The following PTPRD variants were observed in gnomAD, a reference collection of about 807,000 sequenced individuals.
PTPRD encodes protein tyrosine phosphatase receptor type D.
Under a neutral mutation model 214.5 loss-of-function variants are expected in PTPRD, and 34 were observed. The observed-to-expected ratio is 0.16, with a 90% CI of 0.12 to 0.21. The LOEUF (loss-of-function observed/expected upper bound fraction) is 0.21, where lower values mean the gene tolerates loss of function less well. Among genes scored for constraint, PTPRD ranks in the 10% least tolerant of loss-of-function variants. The pLI is 1.00. For missense variants in PTPRD, 2,545 were observed against 2,398.7 expected (o/e 1.06, Z -1.27); for synonymous variants, 1,128 against 845.7 (o/e 1.33, Z -5.79).
At chr9:10,236,995 A>G (rs950375688) in intron 3 of PTPRD, among the ~76,000 whole-genome samples, 1 of 151,936 alleles carries the variant, frequency 6.6e-6, no homozygotes, top group Non-Finnish European at 1.5e-5. Flanking sequence ...ATTCTGTATG[A>G]TACAATAATG....
At chr9:9,139,620 A>AC (rs2099856736) in intron 10 of PTPRD, among the ~76,000 whole-genome samples, 4 of 147,434 alleles carry the variant, frequency 2.7e-5, no homozygotes, top group African/African-American at 9.9e-5. Context: ...CAAAGGGTGG[A>AC]TTCATGTCCT....
At chr9:10,424,348 A>G (rs2098592206) in intron 2 of PTPRD, among the ~76,000 whole-genome samples, 1 of 148,976 alleles carries the variant, frequency 6.7e-6, no homozygotes, top group African/African-American at 2.5e-5. Flanking sequence ...TCTCTCAGGA[A>G]TTATGAGATC....
In PTPRD at chr9:8,521,338, G is replaced by A. The variant is rs1446483240; in HGVS notation, c.900C>T (p.Tyr300=). 5 of 1,613,818 alleles carry A rather than the reference G, an allele frequency of 3.1e-6. No homozygotes were observed. Among genetic ancestry groups the A allele is most frequent in the Non-Finnish European group, 4.2e-6 (5 of 1,179,902 alleles). The stretch of plus-strand genomic sequence containing the variant: ...CCAGTGTTGACATAGCAACACAGGT[G>A]TAATTTGCTGACTGTCTTACATCAT... The part of the protein sequence containing the change: ...ELNDVRQSAN[Y]TCVAMSTLGV... Residue 300 remains tyrosine, a synonymous_variant, in exon 20 of 46, where the codon TAC becomes TAT. Coordinates refer to ENST00000381196, the MANE Select transcript of PTPRD (RefSeq NM_002839.4).
chr9:8,834,214 A>G (rs1277864203), intron 11 of PTPRD, among the ~76,000 whole-genome samples: 1 of 152,114 alleles, frequency 6.6e-6, no homozygotes, highest in African/African-American at 2.4e-5. Flanking sequence ...TTTCCATGAT[A>G]TTAAATAATT....
intron 2 of PTPRD, among the ~76,000 whole-genome samples, chr9:10,527,999 C>T (rs833428): frequency 0.36 from 54,270 of 151,778 alleles, 10,673 homozygotes; most frequent in East Asian, 0.58. Flanking sequence ...TAAAGCTAAT[C>T]ATGACCTAAA....
At chr9:10,246,746 G>C (rs76298446) in intron 3 of PTPRD, among the ~76,000 whole-genome samples, 1 of 151,444 alleles carries the variant, frequency 6.6e-6, no homozygotes, top group Non-Finnish European at 1.5e-5. Flanking sequence ...AATTTCCAAA[G>C]CTTATGTATC....
chr9:9,957,078 C>T (rs909706452), intron 4 of PTPRD, among the ~76,000 whole-genome samples: 5 of 152,026 alleles, frequency 3.3e-5, no homozygotes, highest in Non-Finnish European at 5.9e-5. Flanking sequence ...GAACATACAA[C>T]TAATTTAAAA....
chr9:9,251,611 C>T (rs759118625), intron 9 of PTPRD, among the ~76,000 whole-genome samples: 7 of 152,032 alleles, frequency 4.6e-5, no homozygotes, highest in Non-Finnish European at 1.0e-4. Context: ...CAGACTTTGT[C>T]ATACTATATT....
intron 12 of PTPRD, among the ~76,000 whole-genome samples, chr9:8,703,908 C>T (rs2098142896): frequency 6.6e-6 from 1 of 152,190 alleles, no homozygotes; most frequent in Non-Finnish European, 1.5e-5. Flanking sequence ...AACAACTCTA[C>T]CCTCCTCCGA....
At chr9:9,904,152 A>G (rs1182539201) in intron 5 of PTPRD, among the ~76,000 whole-genome samples, 1 of 152,104 alleles carries the variant, frequency 6.6e-6, no homozygotes, top group East Asian at 1.9e-4. Flanking sequence ...TCAGACAAAG[A>G]TGGGTGGTAC....
intron 2 of PTPRD, among the ~76,000 whole-genome samples, chr9:10,389,926 T>C (rs1056502749): frequency 2.0e-5 from 3 of 151,938 alleles, no homozygotes; most frequent in East Asian, 2.0e-4. Flanking sequence ...ACAAGGGATA[T>C]TGTGATCTAA....
At chr9:8,655,642 AG>A (rs1474025367) in intron 12 of PTPRD, among the ~76,000 whole-genome samples, 1 of 152,178 alleles carries the variant, frequency 6.6e-6, no homozygotes, top group African/African-American at 2.4e-5. Context: ...TTCAATCACC[AG>A]CAGAGCCCCT....
chr9:9,191,940 C>T (rs148165303), intron 9 of PTPRD, among the ~76,000 whole-genome samples: 203 of 152,110 alleles, frequency 1.3e-3, no homozygotes, highest in South Asian at 1.2e-3. Context: ...TAAGGAGAAA[C>T]ATGGATTTTT....
intron 5 of PTPRD, among the ~76,000 whole-genome samples, chr9:9,791,828 T>A (rs2098969620): frequency 6.6e-6 from 1 of 152,186 alleles, no homozygotes; most frequent in African/African-American, 2.4e-5. Context: ...GCTATCCAAT[T>A]TCTAAATAGC....
Position 10,150,899 on chromosome 9 carries a change from A to G in PTPRD, c.-544-117109T>C, listed in dbSNP as rs563337456. ...TTTTATAGTATCCCCAAATTCTCTT[A>G]AAAATTTCAAATTTGCTTTTGAACA... On this transcript the variant is annotated intron_variant, in intron 3 of 45. Transcript: ENST00000381196. Among the ~76,000 whole-genome samples, 3 of 152,126 alleles carry G rather than the reference A, an allele frequency of 2.0e-5. 1 individual carries two copies. In the South Asian group the frequency reaches 6.2e-4, roughly 32 times the overall value.
chr9:9,770,114 G>A (rs2098740252), intron 5 of PTPRD, among the ~76,000 whole-genome samples: 3 of 152,158 alleles, frequency 2.0e-5, no homozygotes, highest in Admixed American at 1.3e-4. Flanking sequence ...AATCCTTGGA[G>A]TATATATCCA....
intron 12 of PTPRD, among the ~76,000 whole-genome samples, chr9:8,667,264 G>A (rs894409608): frequency 2.0e-5 from 3 of 152,112 alleles, no homozygotes; most frequent in Admixed American, 1.3e-4. Flanking sequence ...GCTTGAACAC[G>A]GGACGCAGAA....
chr9:10,097,013 G>C (rs1363921096), intron 3 of PTPRD, among the ~76,000 whole-genome samples: 2 of 151,858 alleles, frequency 1.3e-5, no homozygotes, highest in African/African-American at 4.8e-5. Flanking sequence ...CTCATTGCTT[G>C]TTTTGGTCAG....
At chr9:10,611,781 T>A (rs10738169) in intron 2 of PTPRD, among the ~76,000 whole-genome samples, 110,069 of 152,070 alleles carry the variant, frequency 0.72, 41,307 homozygotes, top group Admixed American at 0.83. Context: ...AAGTTCATTC[T>A]AATTCTCCAA....
Sources: gnomAD v4.1 joint callset for allele counts (sites outside exome capture counted in the v4.1 genomes callset) on GRCh38, gnomAD v4.1.1 for gene constraint, MANE v1.5 for transcripts, NCBI Gene and HGNC (gene_info 2026-07-23, HGNC 2026-07-21) for gene names.